The following MB21D2 variants were observed in gnomAD, a reference collection of about 807,000 sequenced individuals.
MB21D2 encodes the protein Mab-21 domain containing 2, also known as nucleotidyltransferase MB21D2.
MB21D2 carries 9 observed loss-of-function variants against 33.3 expected under a neutral mutation model. The observed-to-expected ratio is 0.27, with a 90% CI of 0.16 to 0.47. The LOEUF (loss-of-function observed/expected upper bound fraction) is 0.47. Ranked by LOEUF, MB21D2 falls within the 20% of genes least tolerant of loss-of-function variation. MB21D2 has a pLI of 0.99. For synonymous variants in MB21D2, 241 were observed against 236.3 expected (o/e 1.02, Z -0.18); for missense variants, 540 against 624.6 (o/e 0.86, Z 1.44).
In MB21D2 at chr3:192,917,810, C is replaced by T. The variant is rs374102433; in HGVS notation, c.31G>A (p.Ala11Thr). The change falls in exon 1 of 2, where the codon GCA (alanine) becomes ACA (threonine). Residue 11 changes from alanine (A) to threonine (T), a missense_variant. Coordinates refer to ENST00000392452, the MANE Select transcript of MB21D2 (RefSeq NM_178496.4). MKMAAPTANK[A>T]ASLGCNNKPA... ...TTGTTGTTACAGCCCAGGGAGGCTG[C>T]CTTGTTGGCGGTGGGAGCCGCCATC... 10 of 1,611,266 alleles carry T rather than the reference C, an allele frequency of 6.2e-6. No individual in the cohort carries two copies. Among genetic ancestry groups the T allele is most frequent in the Middle Eastern group, 4.0e-4 (2 of 5,002 alleles).
At chr3:192,832,033 AC>A (rs1477980032) in intron 1 of MB21D2, among the ~76,000 whole-genome samples, 3 of 152,208 alleles carry the variant, frequency 2.0e-5, no homozygotes, top group Non-Finnish European at 4.4e-5. Context: ...AGGAAAAAAA[AC>A]AGTCAAGGAG....
At chr3:192,901,418 A>AG (rs1560255745) in intron 1 of MB21D2, among the ~76,000 whole-genome samples, 2 of 150,654 alleles carry the variant, frequency 1.3e-5, no homozygotes, top group Non-Finnish European at 3.0e-5. Context: ...AAATTCAAAA[A>AG]AAAAAAAAAA....
In MB21D2 at chr3:192,798,232, A is replaced by G; in HGVS notation, c.*154T>C. On this transcript the variant is annotated 3_prime_UTR_variant, in exon 2 of 2. Transcript: ENST00000392452. This position sits in a 1 kb window ranked among gnomAD's most constrained non-coding sequence, Gnocchi z 4.8. ...ATGAAATAGTAATATACTGTTTCAG[A>G]GCCTGCACCATCCTGCAGAACCAGG... The G allele has an allele frequency of 1.3e-6, 1 of 759,344 alleles. No homozygotes were observed. The highest frequency in any genetic ancestry group is 2.7e-5 in the East Asian group (1 of 37,500). 47.0% of individuals were successfully genotyped at this position (759,344 alleles called of 1,614,324 possible).
At chr3:192,823,611 C>T (rs566106262) in intron 1 of MB21D2, among the ~76,000 whole-genome samples, 4 of 152,142 alleles carry the variant, frequency 2.6e-5, no homozygotes, top group South Asian at 4.1e-4. Context: ...GACAAGATCA[C>T]GCCATTGTAC....
intron 1 of MB21D2, among the ~76,000 whole-genome samples, chr3:192,894,382 C>T (rs983861087): frequency 5.9e-5 from 9 of 152,224 alleles, no homozygotes; most frequent in East Asian, 1.9e-4. Flanking sequence ...CCACTCGCCT[C>T]GGCCTCCCAA....
intron 1 of MB21D2, among the ~76,000 whole-genome samples, chr3:192,907,837 A>C (rs1714245442): frequency 6.6e-6 from 1 of 152,070 alleles, no homozygotes; most frequent in African/African-American, 2.4e-5. Flanking sequence ...GAGAAAGATA[A>C]CGTGTGCCCA....
chr3:192,848,216 C>T (rs977542208), intron 1 of MB21D2, among the ~76,000 whole-genome samples: 1 of 152,226 alleles, frequency 6.6e-6, no homozygotes, highest in African/African-American at 2.4e-5. Flanking sequence ...CGGAAACTGA[C>T]ATTTTTCTTT....
chr3:192,890,644 G>A (rs768881224), intron 1 of MB21D2, among the ~76,000 whole-genome samples: 19 of 150,924 alleles, frequency 1.3e-4, no homozygotes, highest in Non-Finnish European at 2.5e-4. Context: ...TGCCATTCCC[G>A]ACTGTGCAGG....
intron 1 of MB21D2, among the ~76,000 whole-genome samples, chr3:192,856,256 A>G (rs1386905036): frequency 3.9e-5 from 6 of 151,960 alleles, no homozygotes; most frequent in Non-Finnish European, 7.4e-5. Context: ...TTGCACACAG[A>G]CTCTAACACT....
chr3:192,800,636 T>C (rs1414816082), intron 1 of MB21D2, among the ~76,000 whole-genome samples: 1 of 152,180 alleles, frequency 6.6e-6, no homozygotes, highest in Non-Finnish European at 1.5e-5. Flanking sequence ...ATCTTCCTAA[T>C]AGTCTGTGTG....
intron 1 of MB21D2, among the ~76,000 whole-genome samples, chr3:192,848,190 G>A (rs1046519060): frequency 2.0e-5 from 3 of 152,200 alleles, no homozygotes; most frequent in Non-Finnish European, 4.4e-5. Flanking sequence ...ATGCTGCAAA[G>A]ATCCTGCTTA....
At chr3:192,831,932 T>C (rs576762904) in intron 1 of MB21D2, among the ~76,000 whole-genome samples, 5 of 152,210 alleles carry the variant, frequency 3.3e-5, no homozygotes, top group Non-Finnish European at 5.9e-5. Flanking sequence ...AAACTGGCTC[T>C]GCTGGGCTTT....
chr3:192,917,826 A>T lies in MB21D2; in HGVS notation c.15T>A (p.Ala5=), dbSNP rs781453813. ...GGGAGGCTGCCTTGTTGGCGGTGGG[A>T]GCCGCCATCTTCATGCAAAACGCGC... MKMA[A]PTANKAASLG... The change falls in exon 1 of 2, where the codon GCT becomes GCA. Residue 5 remains alanine, a synonymous_variant. Coordinates refer to ENST00000392452, the MANE Select transcript of MB21D2 (RefSeq NM_178496.4). 3.1e-6 allele frequency: 5 copies of T among 1,608,158 alleles called. No homozygotes were observed. In the South Asian group the frequency reaches 5.5e-5, roughly 18 times the overall value.
chr3:192,870,210 G>T (rs959735915), intron 1 of MB21D2, among the ~76,000 whole-genome samples: 2 of 151,836 alleles, frequency 1.3e-5, no homozygotes, highest in Non-Finnish European at 2.9e-5. Context: ...CCCTAACACG[G>T]GTCAGGAAAC....
rs200506496 is a variant in MB21D2, at chr3:192,800,857, T to C, written c.212-1207A>G. On this transcript the variant is annotated intron_variant, in intron 1 of 1. Transcript: ENST00000392452. ...TCTTCAGAAATGAACAAAATGAGCC[T>C]GGCTTCAAGGAAACTACTGACAATA... Among the ~76,000 whole-genome samples the C allele has an allele frequency of 2.0e-5, 3 of 152,330 alleles. No homozygotes were observed. In the East Asian group the frequency reaches 5.8e-4, roughly 29 times the overall value.
intron 1 of MB21D2, among the ~76,000 whole-genome samples, chr3:192,810,541 C>T (rs934292205): frequency 6.6e-5 from 10 of 152,276 alleles, no homozygotes; most frequent in East Asian, 1.9e-4. Flanking sequence ...TTACTTTAGA[C>T]GAGTTTACTA....
intron 1 of MB21D2, among the ~76,000 whole-genome samples, chr3:192,876,242 T>A (rs1338507240): frequency 6.6e-6 from 1 of 152,184 alleles, no homozygotes; most frequent in Non-Finnish European, 1.5e-5. Flanking sequence ...TGGCTCTCTG[T>A]AGTCCTTTTC....
intron 1 of MB21D2, among the ~76,000 whole-genome samples, chr3:192,809,799 T>C (rs35617262): frequency 0.025 from 3,818 of 152,252 alleles, 75 homozygotes; most frequent in Non-Finnish European, 0.036. Context: ...GCTATGTGGG[T>C]GCACACGTGT....
At chr3:192,824,204 A>G (rs1011039591) in intron 1 of MB21D2, among the ~76,000 whole-genome samples, 1 of 152,228 alleles carries the variant, frequency 6.6e-6, no homozygotes, top group Non-Finnish European at 1.5e-5. Context: ...CCCAGTGTCT[A>G]AGGCCCTCAT....
Sources: allele counts gnomAD v4.1 joint callset (sites outside exome capture counted in the v4.1 genomes callset), GRCh38; gene constraint gnomAD v4.1.1; non-coding constraint Gnocchi (gnomAD v3.1); transcripts MANE v1.5; gene names NCBI Gene and HGNC (gene_info 2026-07-23, HGNC 2026-07-21).